Variants in CHD6 observed in about 807,000 individuals in gnomAD.
The protein encoded by CHD6 is ATP-dependent chromatin remodeler CHD6.
A neutral mutation model predicts 276.9 loss-of-function variants in CHD6; 50 were observed. The ratio of observed to expected loss-of-function variants is 0.18; its 90% CI spans 0.14 to 0.23. The LOEUF is 0.23. Among genes scored for constraint, CHD6 ranks in the 10% least tolerant of loss-of-function variants. The pLI, the probability that CHD6 is intolerant of heterozygous loss-of-function variation, is 1.00. For synonymous variants in CHD6, 1,173 were observed against 1,229.3 expected, an observed-to-expected ratio of 0.95 and a Z score of 0.96; for missense variants, 2,564 against 3,365.8, an observed-to-expected ratio of 0.76 and a Z score of 5.89.
At chr20:41,551,178 C>T in intron 2 of CHD6, 127 bp downstream of exon 2, 1 of 687,266 alleles carries the variant, frequency 1.5e-6, no homozygotes, top group Non-Finnish European at 2.6e-6. Flanking sequence ...CTCTCAGTTA[C>T]TATAATACAG....
intron 9 of CHD6, 60 bp from the exon 10 acceptor site, chr20:41,493,732 C>A: frequency 6.3e-7 from 1 of 1,596,364 alleles, no homozygotes; most frequent in South Asian, 1.1e-5. Context: ...TCAGTAGTAT[C>A]TGCCAACCTC....
At chr20:41,610,316 C>A (rs139999874) in intron 1 of CHD6, among the ~76,000 whole-genome samples, 2 of 151,954 alleles carry the variant, frequency 1.3e-5, no homozygotes, top group African/African-American at 4.8e-5. Context: ...GGAGAGGAGA[C>A]GGAGAATATG....
chr20:41,404,636 G>A lies in CHD6; in HGVS notation c.8105C>T (p.Ala2702Val). The change falls in exon 37 of 37, where the codon GCT becomes GTT. Residue 2702 changes from alanine to valine, a missense_variant. Ala to Val is a moderately conservative substitution (Grantham distance 64). Coordinates refer to ENST00000373233, the MANE Select transcript of CHD6 (RefSeq NM_032221.5). ...LPAEREHGAQ[A>V]GEGALKDSNN... ...GGAGTCTTTGAGTGCCCCCTCCCCA[G>A]CCTGTGCCCCATGTTCTCTCTCTGC... The A allele has an allele frequency of 1.3e-6, 2 of 1,513,972 alleles. No individual in the cohort carries two copies. The highest frequency in any genetic ancestry group is 1.8e-6 in the Non-Finnish European group (2 of 1,131,178). 93.8% of individuals were successfully genotyped at this position (1,513,972 alleles called of 1,614,324 possible).
At chr20:41,506,759 T>C (rs2043985710) in intron 5 of CHD6, among the ~76,000 whole-genome samples, 1 of 152,192 alleles carries the variant, frequency 6.6e-6, no homozygotes, top group African/African-American at 2.4e-5. Context: ...GAGAGACCAG[T>C]TGTGAATTTG....
At chr20:41,566,016 C>T (rs769708884) in intron 1 of CHD6, among the ~76,000 whole-genome samples, 3 of 152,040 alleles carry the variant, frequency 2.0e-5, no homozygotes, top group African/African-American at 7.2e-5. Context: ...AGTAAGACAA[C>T]GCATTTGGTT....
At chr20:41,546,711 A>T (rs890863281) in intron 2 of CHD6, among the ~76,000 whole-genome samples, 10 of 152,146 alleles carry the variant, frequency 6.6e-5, no homozygotes, top group Admixed American at 6.6e-5. Context: ...TATTTTTATA[A>T]TTTTTTTCTG....
chr20:41,423,442 A>G (rs745442024), intron 30 of CHD6, 50 bp downstream of exon 30: 1 of 1,552,430 alleles, frequency 6.4e-7, no homozygotes, highest in African/African-American at 1.4e-5. Flanking sequence ...TTTGAAAATC[A>G]GAATGTTCTT....
chr20:41,521,264 C>T (rs1428748576), intron 3 of CHD6, among the ~76,000 whole-genome samples: 1 of 152,194 alleles, frequency 6.6e-6, no homozygotes, highest in Non-Finnish European at 1.5e-5. Context: ...CATTTGACTA[C>T]ATATTCTCCA....
At chr20:41,436,528 G>A (rs1212632010) in intron 27 of CHD6, among the ~76,000 whole-genome samples, 7 of 152,154 alleles carry the variant, frequency 4.6e-5, no homozygotes, top group Non-Finnish European at 4.4e-5. Context: ...TTATTCCAGA[G>A]AAATGAAAAT....
intron 14 of CHD6, among the ~76,000 whole-genome samples, chr20:41,485,081 T>G (rs2043381500): frequency 6.6e-6 from 1 of 152,214 alleles, no homozygotes; most frequent in African/African-American, 2.4e-5. Context: ...TAAGTAACAA[T>G]AGCAGCATAC....
At chr20:41,431,745 G>A (rs1430352307) in intron 27 of CHD6, among the ~76,000 whole-genome samples, 1 of 141,940 alleles carries the variant, frequency 7.0e-6, no homozygotes, top group East Asian at 2.2e-4. Context: ...GAGACCTCAG[G>A]ACTCAAGGAA....
At chr20:41,557,825 G>A (rs2045257525) in intron 1 of CHD6, among the ~76,000 whole-genome samples, 1 of 152,148 alleles carries the variant, frequency 6.6e-6, no homozygotes, top group Admixed American at 6.5e-5. Flanking sequence ...TATGTGGGAA[G>A]CAACTCTAAA....
chr20:41,431,062 T>C (rs987440009), intron 27 of CHD6, among the ~76,000 whole-genome samples: 25 of 152,084 alleles, frequency 1.6e-4, no homozygotes, highest in African/African-American at 5.8e-4. Context: ...CTCGAACTTC[T>C]GACCTCGTGA....
chr20:41,597,673 G>T (rs968020594), intron 1 of CHD6, among the ~76,000 whole-genome samples: 6 of 151,268 alleles, frequency 4.0e-5, no homozygotes, highest in Non-Finnish European at 8.8e-5. Context: ...ATCATCCCAG[G>T]ACCAACCCCC....
At chr20:41,538,233 C>A (rs1193866725) in intron 2 of CHD6, among the ~76,000 whole-genome samples, 1 of 152,146 alleles carries the variant, frequency 6.6e-6, no homozygotes, top group Non-Finnish European at 1.5e-5. Flanking sequence ...CGCCTGTAAT[C>A]CCAGCTACTT....
intron 20 of CHD6, among the ~76,000 whole-genome samples, chr20:41,453,585 T>C: frequency 6.6e-6 from 1 of 152,088 alleles, no homozygotes; most frequent in East Asian, 1.9e-4. Flanking sequence ...TCCTGACTAC[T>C]CCTCCACACA....
intron 1 of CHD6, among the ~76,000 whole-genome samples, chr20:41,554,699 G>A (rs2045195536): frequency 1.3e-5 from 2 of 151,458 alleles, no homozygotes; most frequent in South Asian, 2.1e-4. Flanking sequence ...GAGAGCACAG[G>A]GTTGGGGGTA....
intron 31 of CHD6, 97 bp downstream of exon 31, chr20:41,420,411 G>C: frequency 7.4e-7 from 1 of 1,348,832 alleles, no homozygotes; most frequent in Non-Finnish European, 1.0e-6. Context: ...TGTTTCAGAA[G>C]CTGTAAAAAT....
At chr20:41,596,415 T>C (rs766251856) in intron 1 of CHD6, among the ~76,000 whole-genome samples, 2 of 152,094 alleles carry the variant, frequency 1.3e-5, no homozygotes, top group Non-Finnish European at 2.9e-5. Flanking sequence ...AAGTATACAC[T>C]TGGGCTGAGT....
Sources: allele counts gnomAD v4.1 joint callset (sites outside exome capture counted in the v4.1 genomes callset), GRCh38; gene constraint gnomAD v4.1.1; transcripts MANE v1.5; gene names NCBI Gene and HGNC (gene_info 2026-07-23, HGNC 2026-07-21).